Variants in KCTD16 observed in about 807,000 individuals in gnomAD.
KCTD16 encodes the protein BTB/POZ domain-containing protein KCTD16.
Under a neutral mutation model 33.2 loss-of-function variants are expected in KCTD16, and 13 were observed. The observed-to-expected ratio is 0.39, with a 90% confidence interval of 0.25 to 0.62. KCTD16 has a LOEUF of 0.62. Ranked by LOEUF, KCTD16 falls within the 20% of genes least tolerant of loss-of-function variation. The pLI, the probability that KCTD16 is intolerant of heterozygous loss-of-function variation, is 0.50. For missense variants in KCTD16, 441 were observed against 525.1 expected (o/e 0.84, Z 1.57); for synonymous variants, 197 against 195.3 (o/e 1.01, Z -0.07).
intron 3 of KCTD16, among the ~76,000 whole-genome samples, chr5:144,325,861 G>A (rs1282980594): frequency 2.0e-5 from 3 of 152,070 alleles, no homozygotes; most frequent in Non-Finnish European, 4.4e-5. Context: ...TCAGTGTCTA[G>A]AACAGTGCTT....
At chr5:144,373,524 G>A (rs949805283) in intron 3 of KCTD16, among the ~76,000 whole-genome samples, 5 of 152,110 alleles carry the variant, frequency 3.3e-5, no homozygotes, top group African/African-American at 1.2e-4. Context: ...ACTATCTAGA[G>A]ATAACTACAC....
chr5:144,280,092 T>C (rs1040040796), intron 3 of KCTD16, among the ~76,000 whole-genome samples: 1 of 152,164 alleles, frequency 6.6e-6, no homozygotes, highest in Non-Finnish European at 1.5e-5. Flanking sequence ...AGTTTTTTTG[T>C]TTATGTTTAT....
intron 3 of KCTD16, among the ~76,000 whole-genome samples, chr5:144,271,234 C>T (rs1423110695): frequency 6.6e-6 from 1 of 151,902 alleles, no homozygotes; most frequent in Admixed American, 6.5e-5. Flanking sequence ...GACTAATATC[C>T]TTTATGAAAA....
chr5:144,354,279 A>T (rs180936635), intron 3 of KCTD16, among the ~76,000 whole-genome samples: 1 of 152,188 alleles, frequency 6.6e-6, no homozygotes, highest in Non-Finnish European at 1.5e-5. Context: ...TTTATTATAT[A>T]TGTGTACCAT....
intron 3 of KCTD16, among the ~76,000 whole-genome samples, chr5:144,387,618 A>G (rs962063571): frequency 2.6e-5 from 4 of 152,184 alleles, no homozygotes; most frequent in African/African-American, 9.6e-5. Flanking sequence ...GGAGTTGTGC[A>G]TAAGCCCCAG....
chr5:144,421,311 A>G lies in KCTD16; in HGVS notation c.833-52349A>G, dbSNP rs1180572227. 2.0e-5 allele frequency among the ~76,000 whole-genome samples: 3 copies of G among 152,240 alleles called. No individual in the cohort carries two copies. In the East Asian group the frequency reaches 5.8e-4, roughly 29 times the overall value. On this transcript the variant is annotated intron_variant, in intron 3 of 3. Coordinates refer to ENST00000512467, the MANE Select transcript of KCTD16 (RefSeq NM_020768.4). ...CCCCACTTCTCTCTGCAAAAAGGTG[A>G]TTTATGACCTATATTAAGGTTCCCC...
chr5:144,316,192 C>T (rs768833856), intron 3 of KCTD16, among the ~76,000 whole-genome samples: 1 of 152,096 alleles, frequency 6.6e-6, no homozygotes, highest in Non-Finnish European at 1.5e-5. Flanking sequence ...GCAAACAATG[C>T]AGCAGGTGAG....
chr5:144,399,888 T>C (rs1200969271), intron 3 of KCTD16, among the ~76,000 whole-genome samples: 1 of 152,170 alleles, frequency 6.6e-6, no homozygotes, highest in Non-Finnish European at 1.5e-5. Flanking sequence ...TTTCCGGTGC[T>C]AGAACTTCTT....
intron 3 of KCTD16, among the ~76,000 whole-genome samples, chr5:144,328,033 A>G (rs995262722): frequency 1.3e-5 from 2 of 152,108 alleles, no homozygotes; most frequent in African/African-American, 2.4e-5. Flanking sequence ...CCTCCCACCA[A>G]CAACATCACA....
At chr5:144,236,669 T>C (rs1004660916) in intron 3 of KCTD16, among the ~76,000 whole-genome samples, 3 of 152,024 alleles carry the variant, frequency 2.0e-5, no homozygotes, top group South Asian at 2.1e-4. Context: ...TCAGAATGAG[T>C]GGCTTGAACA....
At chr5:144,229,122 G>A (rs748009105) in intron 3 of KCTD16, among the ~76,000 whole-genome samples, 1 of 152,152 alleles carries the variant, frequency 6.6e-6, no homozygotes, top group Non-Finnish European at 1.5e-5. Flanking sequence ...AGTTGCATGG[G>A]GGCAGGTGGA....
chr5:144,273,085 A>G (rs1338494642), intron 3 of KCTD16, among the ~76,000 whole-genome samples: 2 of 152,208 alleles, frequency 1.3e-5, no homozygotes, highest in African/African-American at 4.8e-5. Context: ...CTGATAAGAG[A>G]TTAATATTCC....
intron 3 of KCTD16, among the ~76,000 whole-genome samples, chr5:144,409,194 G>A (rs968660241): frequency 6.6e-6 from 1 of 152,160 alleles, no homozygotes; most frequent in Admixed American, 6.5e-5. Context: ...TCCTAGAACT[G>A]TATAGGCCTT....
At position 144,194,048 on chromosome 5, in the gene KCTD16, G is replaced by A. The variant is rs774051994; in HGVS notation, c.-326-12341G>A. ...AAAAATGCCCAGCAGGTGTATGGAA[G>A]TTGAGAAGAAAGCAAGGCCAAGCAT... On this transcript the variant is annotated intron_variant, in intron 2 of 3. Coordinates refer to ENST00000512467, the MANE Select transcript of KCTD16 (RefSeq NM_020768.4). Among the ~76,000 whole-genome samples, 26 of 152,178 alleles carry A rather than the reference G, an allele frequency of 1.7e-4. No homozygotes were observed. The South Asian group carries it at 1.9e-3, about 11-fold the overall frequency.
At chr5:144,259,684 A>G (rs1754952985) in intron 3 of KCTD16, among the ~76,000 whole-genome samples, 2 of 152,200 alleles carry the variant, frequency 1.3e-5, no homozygotes, top group Non-Finnish European at 2.9e-5. Context: ...TGCTCAGGAA[A>G]TGTTTGATGT....
chr5:144,212,267 C>A (rs1343042074), intron 3 of KCTD16, among the ~76,000 whole-genome samples: 1 of 152,068 alleles, frequency 6.6e-6, no homozygotes, highest in Non-Finnish European at 1.5e-5. Flanking sequence ...GTGATTTAAG[C>A]ATGTTAGTGA....
chr5:144,231,460 A>ATAGTAATATTGT (rs1332805957), intron 3 of KCTD16, among the ~76,000 whole-genome samples: 1 of 152,196 alleles, frequency 6.6e-6, no homozygotes, highest in African/African-American at 2.4e-5. Context: ...TAGCTATTTT[A>ATAGTAATATTGT]TAGTAATATT....
At chr5:144,361,703 T>C (rs146674122) in intron 3 of KCTD16, among the ~76,000 whole-genome samples, 1 of 152,298 alleles carries the variant, frequency 6.6e-6, no homozygotes, top group Non-Finnish European at 1.5e-5. Flanking sequence ...ACTCAGGATA[T>C]CTTTATGTAC....
At chr5:144,172,389 C>A (rs1399011727) in intron 1 of KCTD16, among the ~76,000 whole-genome samples, 2 of 152,208 alleles carry the variant, frequency 1.3e-5, no homozygotes, top group African/African-American at 4.8e-5. Flanking sequence ...TCTGTCGCCT[C>A]AGACATTTGT....
Sources: gnomAD v4.1 joint callset for allele counts (sites outside exome capture counted in the v4.1 genomes callset) on GRCh38, gnomAD v4.1.1 for gene constraint, MANE v1.5 for transcripts, NCBI Gene and HGNC (gene_info 2026-07-23, HGNC 2026-07-21) for gene names.